The following ANKS6 variants were observed in gnomAD, a reference collection of about 807,000 sequenced individuals.
ANKS6 encodes the protein ankyrin repeat and sterile alpha motif domain containing 6.
Under a neutral mutation model 77.9 loss-of-function variants are expected in ANKS6, and 47 were observed. The ratio of observed to expected loss-of-function variants is 0.60; its 90% confidence interval spans 0.48 to 0.77. The LOEUF (loss-of-function observed/expected upper bound fraction) is 0.77, where lower values mean the gene tolerates loss of function less well. Ranked by LOEUF, ANKS6 falls within the 30% of genes least tolerant of loss-of-function variation. The probability of loss-of-function intolerance (pLI) is 0.00; values close to 1 mark genes in which losing one functional copy is unlikely to be tolerated. For missense variants in ANKS6, 1,150 were observed against 1,159.1 expected (o/e 0.99, Z 0.11); for synonymous variants, 488 against 501.7 (o/e 0.97, Z 0.37).
intron 8 of ANKS6, among the ~76,000 whole-genome samples, chr9:98,776,702 C>T (rs1399165810): frequency 1.3e-5 from 2 of 152,150 alleles, no homozygotes; most frequent in African/African-American, 4.8e-5. Flanking sequence ...TGCGTGGCCC[C>T]AAGAAACTTC....
intron 11 of ANKS6, among the ~76,000 whole-genome samples, chr9:98,759,283 A>G (rs1156910598): frequency 6.6e-6 from 1 of 152,100 alleles, no homozygotes; most frequent in Non-Finnish European, 1.5e-5. Context: ...AAAATAAACT[A>G]TTTTTCCTCT....
chr9:98,733,698 G>A lies in ANKS6; in HGVS notation c.*2821C>T. ...GATGCTATGAGTTTCTTGGCCCTGTGAAGAGGCCTGACCCATGCTGGCATG... is the reference window on the plus strand; with the variant it reads ...GATGCTATGAGTTTCTTGGCCCTGTAAAGAGGCCTGACCCATGCTGGCATG... On this transcript the variant is annotated 3_prime_UTR_variant, in exon 15 of 15. Coordinates refer to ENST00000353234, the MANE Select transcript of ANKS6 (RefSeq NM_173551.5). The A allele has an allele frequency of 1.0e-6, 1 of 985,498 alleles. No individual in the cohort carries two copies. Among genetic ancestry groups the A allele is most frequent in the Non-Finnish European group, 1.2e-6 (1 of 829,964 alleles). The allele number at this position is 985,498 out of a possible 1,614,324, so 61.0% of individuals were successfully genotyped here. A position where few individuals can be genotyped will look rare whatever the true frequency, so the allele number is the denominator to read the frequency against.
In ANKS6 at chr9:98,736,124, G is replaced by C. The variant is rs1348701844; in HGVS notation, c.*395C>G. 2 of 1,152,458 alleles carry C rather than the reference G, an allele frequency of 1.7e-6. No individual in the cohort carries two copies. Among genetic ancestry groups the C allele is most frequent in the Non-Finnish European group, 2.1e-6 (2 of 935,226 alleles). The allele number at this position is 1,152,458 out of a possible 1,614,324, so 71.4% of individuals were successfully genotyped here. On this transcript the variant is annotated 3_prime_UTR_variant, in exon 15 of 15. Coordinates refer to ENST00000353234, the MANE Select transcript of ANKS6 (RefSeq NM_173551.5). ...TGGCCAAGAGGACGTGAGCAGGAGT[G>C]ATGTGTGTCAGTTAAGAGCAAGGCA...
Position 98,732,471 on chromosome 9 carries a change from G to A in ANKS6, c.*4048C>T, listed in dbSNP as rs1412119965. On this transcript the variant is annotated 3_prime_UTR_variant, in exon 15 of 15. Transcript: ENST00000353234. ...CATCGGCCACTCCTCACTTCTGTGG[G>A]CTCCGATGCCAGCAGAGCCACCTGA... The A allele has an allele frequency of 6.5e-7, 1 of 1,549,550 alleles. No homozygotes were observed. The highest frequency in any genetic ancestry group is 8.7e-7 in the Non-Finnish European group (1 of 1,146,242).
chr9:98,763,239 C>CT (rs1833108219), intron 11 of ANKS6, among the ~76,000 whole-genome samples: 3 of 151,978 alleles, frequency 2.0e-5, no homozygotes, highest in Non-Finnish European at 1.5e-5. Context: ...AAAGAGATCA[C>CT]ATTCTAGGGC....
In ANKS6 at chr9:98,733,425, G is replaced by A. The variant is rs1166166268; in HGVS notation, c.*3094C>T. On this transcript the variant is annotated 3_prime_UTR_variant, in exon 15 of 15. Coordinates refer to ENST00000353234, the MANE Select transcript of ANKS6 (RefSeq NM_173551.5). Reference sequence around the variant, plus strand: ...CTCAGCTCAATGCCCTCAGGCTGGAGAGCTCTCAGAACAGGGACCCTGCCA... The same window carrying A: ...CTCAGCTCAATGCCCTCAGGCTGGAAAGCTCTCAGAACAGGGACCCTGCCA... 1 of 985,296 alleles carries A rather than the reference G, an allele frequency of 1.0e-6. No individual in the cohort carries two copies. Among genetic ancestry groups the A allele is most frequent in the Non-Finnish European group, 1.2e-6 (1 of 829,958 alleles). The allele number at this position is 985,296 out of a possible 1,614,324, so 61.0% of individuals were successfully genotyped here.
At chr9:98,767,478 CCCCTATCACACT>C (rs1434934158) in intron 11 of ANKS6, among the ~76,000 whole-genome samples, 2 of 152,200 alleles carry the variant, frequency 1.3e-5, no homozygotes, top group African/African-American at 4.8e-5. Context: ...TCCACAACAA[CCCCTATCACACT>C]GAGCTGTGAC....
intron 1 of ANKS6, among the ~76,000 whole-genome samples, chr9:98,793,876 G>A (rs1044255844): frequency 8.7e-5 from 13 of 149,180 alleles, no homozygotes; most frequent in Admixed American, 3.3e-4. Flanking sequence ...ACATGCCCCA[G>A]CGCGGTGGCT....
intron 14 of ANKS6, among the ~76,000 whole-genome samples, chr9:98,737,847 T>C (rs1276514805): frequency 6.6e-6 from 1 of 152,138 alleles, no homozygotes; most frequent in Non-Finnish European, 1.5e-5. Context: ...TATAAGGCCA[T>C]AGTCACCAAA....
In ANKS6 at chr9:98,773,798, G is replaced by C; in HGVS notation, c.1821+79C>G. ...GCAACCCCTCTGGATTCGTCGGTTT[G>C]AGGTCCCGCTGCCTGGAACACACCA... On this transcript the variant is annotated intron_variant, in intron 9 of 14. Coordinates refer to ENST00000353234, the MANE Select transcript of ANKS6 (RefSeq NM_173551.5). 4.6e-6 allele frequency: 6 copies of C among 1,307,208 alleles called. 1 individual carries two copies. Among genetic ancestry groups the C allele is most frequent in the Non-Finnish European group, 6.0e-6 (6 of 1,007,430 alleles). 81.0% of individuals were successfully genotyped at this position (1,307,208 alleles called of 1,614,324 possible).
chr9:98,744,113 G>C (rs568476978), intron 14 of ANKS6, among the ~76,000 whole-genome samples: 1 of 152,284 alleles, frequency 6.6e-6, no homozygotes, highest in South Asian at 2.1e-4. Context: ...GGTGGTCTAG[G>C]CCCACGCAAC....
intron 11 of ANKS6, among the ~76,000 whole-genome samples, chr9:98,763,773 G>C (rs746998833): frequency 2.0e-5 from 3 of 151,986 alleles, no homozygotes; most frequent in African/African-American, 7.2e-5. Flanking sequence ...ATTACCAATA[G>C]AGGAATGAAA....
intron 13 of ANKS6, among the ~76,000 whole-genome samples, chr9:98,748,920 G>A (rs1832284879): frequency 6.6e-6 from 1 of 152,100 alleles, no homozygotes; most frequent in Non-Finnish European, 1.5e-5. Context: ...ATAACTATAA[G>A]TGCATTATTA....
rs749499336 is a variant in ANKS6 at position 98,739,758 on chromosome 9, A to ATTTTTTTT, written c.2512-3143_2512-3136dup. 1.4e-4 allele frequency among the ~76,000 whole-genome samples: 12 copies of ATTTTTTTT among 88,866 alleles called. 4 individuals are homozygous for ATTTTTTTT. Among genetic ancestry groups the ATTTTTTTT allele is most frequent in the Admixed American group, 5.8e-4 (4 of 6,912 alleles). The allele number at this position is 88,866 out of a possible 152,430, so 58.3% of individuals were successfully genotyped here. Reference sequence around the variant, plus strand: ...CTCAGAGGGCAGCAGTGGATTAAACATTTTTTTTTTTTTTTTGAGACGGAG... The same window carrying ATTTTTTTT: ...CTCAGAGGGCAGCAGTGGATTAAACATTTTTTTTTTTTTTTTTTTTTTTTGAGACGGAG... On this transcript the variant is annotated intron_variant, in intron 14 of 14. Coordinates refer to ENST00000353234, the MANE Select transcript of ANKS6 (RefSeq NM_173551.5).
At chr9:98,757,648 G>T (rs1832786417) in intron 11 of ANKS6, among the ~76,000 whole-genome samples, 1 of 152,108 alleles carries the variant, frequency 6.6e-6, no homozygotes, top group Non-Finnish European at 1.5e-5. Context: ...TATTATTTGG[G>T]CTGGGCATGG....
intron 6 of ANKS6, among the ~76,000 whole-genome samples, chr9:98,779,127 A>G (rs1487929046): frequency 6.6e-6 from 1 of 152,258 alleles, no homozygotes; most frequent in Non-Finnish European, 1.5e-5. Flanking sequence ...TGCAGCCCTC[A>G]GAAGGCGCTA....
In ANKS6 at chr9:98,751,127, C is replaced by T. The variant is rs1179380519; in HGVS notation, c.2327-31G>A. 1.9e-6 allele frequency: 3 copies of T among 1,559,920 alleles called. No homozygotes were observed. The East Asian group carries it at 6.7e-5, about 35-fold the overall frequency. On this transcript the variant is annotated intron_variant, in intron 12 of 14. Transcript: ENST00000353234. Reference sequence around the variant, plus strand: ...AGATGGAAAGGTGAAAAAAAAACAACACATTTTAGAATTTGGTAAAGTGGT... The same window carrying T: ...AGATGGAAAGGTGAAAAAAAAACAATACATTTTAGAATTTGGTAAAGTGGT...
At chr9:98,780,400 T>G in intron 5 of ANKS6, 63 bp from the exon 6 acceptor site, 1 of 1,500,950 alleles carries the variant, frequency 6.7e-7, no homozygotes, top group Non-Finnish European at 9.0e-7. Context: ...AGGAGAAGAC[T>G]CAAGATGACC....
chr9:98,796,397 C>T lies in ANKS6; in HGVS notation c.95G>A (p.Gly32Glu). The change falls in exon 1 of 15, where the codon GGG becomes GAG. Residue 32 changes from glycine (G) to glutamate (E), a missense_variant. By Grantham distance (98) the Gly-to-Glu change is moderately conservative (BLOSUM62 -2). Coordinates refer to ENST00000353234, the MANE Select transcript of ANKS6 (RefSeq NM_173551.5). ...GCCGCGCTCGGCTGGCTCCGCCGCC[C>T]CCGGCTCCAGCAGCCGCCGCGCCGT... Reference protein sequence around the residue: ...TETARRLLEPGAAEPAERGAE... With the variant: ...TETARRLLEPEAAEPAERGAE... 1 of 999,928 alleles carries T rather than the reference C, an allele frequency of 1.0e-6. No homozygotes were observed. The highest frequency in any genetic ancestry group is 1.8e-5 in the African/African-American group (1 of 57,088). 61.9% of individuals were successfully genotyped at this position (999,928 alleles called of 1,614,324 possible).
Sources: gnomAD v4.1 joint callset for allele counts (sites outside exome capture counted in the v4.1 genomes callset) on GRCh38, gnomAD v4.1.1 for gene constraint, MANE v1.5 for transcripts, NCBI Gene and HGNC (gene_info 2026-07-23, HGNC 2026-07-21) for gene names.